PALLD: variants seen among roughly 807,000 people sequenced by gnomAD.
PALLD encodes palladin.
PALLD carries 61 observed loss-of-function variants against 123.5 expected under a neutral mutation model. The ratio of observed to expected loss-of-function variants is 0.49; its 90% CI spans 0.40 to 0.61. The LOEUF is 0.61. Among genes scored for constraint, PALLD ranks in the 20% least tolerant of loss-of-function variants. The pLI, the probability that PALLD is intolerant of heterozygous loss-of-function variation, is 0.00. For missense variants in PALLD, 1,273 were observed against 1,377.0 expected (o/e 0.92, Z 1.20); for synonymous variants, 465 against 496.4 (o/e 0.94, Z 0.84).
At chr4:168,677,144 A>G (rs1337769043) in intron 3 of PALLD, among the ~76,000 whole-genome samples, 1 of 151,960 alleles carries the variant, frequency 6.6e-6, no homozygotes, top group Non-Finnish European at 1.5e-5. Flanking sequence ...ATAAATATGG[A>G]GAAAGACGTT....
intron 10 of PALLD, among the ~76,000 whole-genome samples, chr4:168,788,183 G>C (rs1000825345): frequency 3.9e-5 from 6 of 152,142 alleles, no homozygotes; most frequent in African/African-American, 1.2e-4. Flanking sequence ...AGCAACCTAA[G>C]TACTAAATCA....
chr4:168,739,908 G>T (rs1030164626), intron 10 of PALLD, among the ~76,000 whole-genome samples: 1 of 152,108 alleles, frequency 6.6e-6, no homozygotes, highest in African/African-American at 2.4e-5. Context: ...TTTCACACTC[G>T]TAGCATGTAT....
At chr4:168,719,484 T>C (rs1464442504) in intron 10 of PALLD, among the ~76,000 whole-genome samples, 1 of 152,102 alleles carries the variant, frequency 6.6e-6, no homozygotes, top group Non-Finnish European at 1.5e-5. Context: ...GGTCTTGAAC[T>C]CCTCACCTCA....
intron 2 of PALLD, among the ~76,000 whole-genome samples, chr4:168,559,370 T>C (rs1319239949): frequency 6.6e-6 from 1 of 151,570 alleles, no homozygotes. Context: ...GCATGAGATA[T>C]TGACCCAACC....
At chr4:168,512,556 G>A (rs763231891) in intron 2 of PALLD, 144 bp downstream of exon 2, 157 of 785,540 alleles carry the variant, frequency 2.0e-4, no homozygotes, top group Middle Eastern at 3.4e-4. Flanking sequence ...GCCCAGAATC[G>A]CCACTATGAG....
At chr4:168,698,173 A>T (rs986436885) in intron 8 of PALLD, among the ~76,000 whole-genome samples, 2 of 152,226 alleles carry the variant, frequency 1.3e-5, no homozygotes, top group African/African-American at 4.8e-5. Context: ...AAATCGAAAC[A>T]GTAGAAGGAT....
intron 10 of PALLD, among the ~76,000 whole-genome samples, chr4:168,841,894 G>A (rs886836163): frequency 6.6e-6 from 1 of 152,186 alleles, no homozygotes; most frequent in Non-Finnish European, 1.5e-5. Context: ...CTCTGATAGT[G>A]AAAGATTTCC....
intron 10 of PALLD, among the ~76,000 whole-genome samples, chr4:168,850,321 A>T (rs902924829): frequency 2.0e-5 from 3 of 151,956 alleles, no homozygotes; most frequent in Non-Finnish European, 4.4e-5. Flanking sequence ...GATAAGAGGG[A>T]AACATTTCCC....
At chr4:168,874,882 G>A (rs7696444) in intron 10 of PALLD, among the ~76,000 whole-genome samples, 2,807 of 152,214 alleles carry the variant, frequency 0.018, 85 homozygotes, top group African/African-American at 0.064. Context: ...ATGGGCAAGA[G>A]TGGGGAATCG....
intron 2 of PALLD, among the ~76,000 whole-genome samples, chr4:168,603,099 A>T (rs750567135): frequency 5.9e-5 from 9 of 152,188 alleles, no homozygotes; most frequent in Admixed American, 1.3e-4. Context: ...GTGATACCCC[A>T]GTCATGGATT....
intron 3 of PALLD, 66 bp downstream of exon 3, chr4:168,668,434 G>A: frequency 7.4e-7 from 1 of 1,347,276 alleles, no homozygotes; most frequent in Non-Finnish European, 1.0e-6. Context: ...CCAGTATCTT[G>A]GGCATGCAAA....
At chr4:168,852,121 G>A (rs1299877477) in intron 10 of PALLD, among the ~76,000 whole-genome samples, 1 of 152,168 alleles carries the variant, frequency 6.6e-6, no homozygotes, top group Non-Finnish European at 1.5e-5. Context: ...CATGCCACCT[G>A]ACTAGAAATG....
chr4:168,676,208 C>A (rs372732524), intron 3 of PALLD, among the ~76,000 whole-genome samples: 1 of 151,740 alleles, frequency 6.6e-6, no homozygotes, highest in Non-Finnish European at 1.5e-5. Context: ...CCTATTCTGT[C>A]ACAGACATCT....
chr4:168,908,588 C>T (rs773438822), intron 15 of PALLD, among the ~76,000 whole-genome samples: 1 of 152,138 alleles, frequency 6.6e-6, no homozygotes, highest in Admixed American at 6.6e-5. Flanking sequence ...TGACTCCTTA[C>T]TTCCTTAATG....
chr4:168,919,949 T>A (rs1761097887), intron 17 of PALLD, among the ~76,000 whole-genome samples: 1 of 152,114 alleles, frequency 6.6e-6, no homozygotes, highest in Non-Finnish European at 1.5e-5. Context: ...ACTGGGTAGG[T>A]TCACTGTGAA....
chr4:168,877,969 C>T lies in PALLD; in HGVS notation c.1965-12953C>T, dbSNP rs528879194. ...TCAACTACGCGCGCCCCAAGCAGTT[C>T]ATCGCCGCGCAGAACCTCGGGCCCG... On this transcript the variant is annotated intron_variant, in intron 10 of 21. Coordinates refer to ENST00000505667, the MANE Select transcript of PALLD (RefSeq NM_001166108.2). 8.5e-4 allele frequency: 1,277 copies of T among 1,502,058 alleles called. 6 individuals carry two copies. The African/African-American group carries it at 0.017, about 19-fold the overall frequency. 93.0% of individuals were successfully genotyped at this position (1,502,058 alleles called of 1,614,324 possible). A position where few individuals can be genotyped will look rare whatever the true frequency, so the allele number is the denominator to read the frequency against.
chr4:168,706,844 A>G (rs2150185555), intron 8 of PALLD, among the ~76,000 whole-genome samples: 1 of 152,290 alleles, frequency 6.6e-6, no homozygotes, highest in Non-Finnish European at 1.5e-5. Flanking sequence ...TGATAGATAC[A>G]TGAATTTTTT....
intron 10 of PALLD, among the ~76,000 whole-genome samples, chr4:168,768,440 T>C (rs890884971): frequency 6.6e-6 from 1 of 152,202 alleles, no homozygotes; most frequent in Non-Finnish European, 1.5e-5. Flanking sequence ...AAGGTCAAGA[T>C]GAAGGATAGA....
intron 10 of PALLD, among the ~76,000 whole-genome samples, chr4:168,819,607 C>T (rs772313872): frequency 3.9e-5 from 6 of 152,212 alleles, no homozygotes; most frequent in Admixed American, 3.3e-4. Flanking sequence ...TTGGTGACCC[C>T]GCTACTGCTG....
Sources: allele counts gnomAD v4.1 joint callset (sites outside exome capture counted in the v4.1 genomes callset), GRCh38; gene constraint gnomAD v4.1.1; transcripts MANE v1.5; gene names NCBI Gene and HGNC (gene_info 2026-07-23, HGNC 2026-07-21).